Variants in ADCY2 observed in about 807,000 individuals in gnomAD.
The protein encoded by ADCY2 is adenylate cyclase type 2.
In ADCY2, 31 loss-of-function variants were observed where a neutral mutation model predicts 125.2. The observed-to-expected ratio is 0.25, with a 90% CI of 0.19 to 0.33. ADCY2 has a LOEUF of 0.33. Among genes scored for constraint, ADCY2 ranks in the 10% least tolerant of loss-of-function variants. ADCY2 has a pLI of 1.00. For missense variants in ADCY2, 904 were observed against 1,418.2 expected (o/e 0.64, Z 5.82); for synonymous variants, 512 against 548.4 (o/e 0.93, Z 0.93).
At position 7,770,512 on chromosome 5, in the gene ADCY2, T is replaced by A. The variant is rs558045913; in HGVS notation, c.2215-2420T>A. On this transcript the variant is annotated intron_variant, in intron 17 of 24. Coordinates refer to ENST00000338316, the MANE Select transcript of ADCY2 (RefSeq NM_020546.3). ...TACAAAGGACTTTAGTTTATCATAA[T>A]AATAGCAGAATTTACAAGCTTCTCA... is the stretch of plus-strand genomic sequence containing the variant. Among the ~76,000 whole-genome samples the A allele has an allele frequency of 6.6e-5, 10 of 152,372 alleles. No individual in the cohort carries two copies. In the East Asian group the frequency reaches 1.9e-3, roughly 29 times the overall value.
chr5:7,487,061 C>T (rs1263981738), intron 2 of ADCY2, among the ~76,000 whole-genome samples: 4 of 152,190 alleles, frequency 2.6e-5, no homozygotes, highest in Non-Finnish European at 5.9e-5. Context: ...CGAGTTCATG[C>T]CTGTGAATGA....
At chr5:7,662,097 C>A (rs1016497113) in intron 4 of ADCY2, among the ~76,000 whole-genome samples, 9 of 152,276 alleles carry the variant, frequency 5.9e-5, no homozygotes, top group African/African-American at 1.7e-4. Flanking sequence ...CCACGCATAG[C>A]CTCCTCACTT....
At chr5:7,510,785 T>TTTTCA (rs2126518532) in intron 2 of ADCY2, among the ~76,000 whole-genome samples, 1 of 152,356 alleles carries the variant, frequency 6.6e-6, no homozygotes, top group East Asian at 1.9e-4. Context: ...GTTGATTTAA[T>TTTTCA]TTTCATTACT....
intron 22 of ADCY2, among the ~76,000 whole-genome samples, chr5:7,812,549 AC>A (rs992562639): frequency 2.0e-5 from 3 of 152,140 alleles, no homozygotes; most frequent in African/African-American, 7.2e-5. Context: ...AAGACCCAAG[AC>A]CCAGGGATGC....
At chr5:7,456,292 A>ATTG (rs1741667031) in intron 2 of ADCY2, among the ~76,000 whole-genome samples, 1 of 152,184 alleles carries the variant, frequency 6.6e-6, no homozygotes. Context: ...ACATTGAAGA[A>ATTG]TTGTATGTCT....
chr5:7,791,021 C>T (rs953255306), intron 20 of ADCY2, among the ~76,000 whole-genome samples: 1 of 146,332 alleles, frequency 6.8e-6, no homozygotes, highest in Admixed American at 6.9e-5. Flanking sequence ...TAAGAGTCAA[C>T]AGAACTCTGT....
chr5:7,500,910 G>A (rs1281053880), intron 2 of ADCY2, among the ~76,000 whole-genome samples: 1 of 152,076 alleles, frequency 6.6e-6, no homozygotes, highest in East Asian at 1.9e-4. Context: ...TTAGGTCTGA[G>A]ATGAAAAAGC....
chr5:7,474,510 G>A (rs1222657343), intron 2 of ADCY2, among the ~76,000 whole-genome samples: 4 of 152,212 alleles, frequency 2.6e-5, no homozygotes. Flanking sequence ...CTGAAAAGAA[G>A]CAAGCCTTAA....
At chr5:7,779,220 A>G (rs902983600) in intron 18 of ADCY2, among the ~76,000 whole-genome samples, 3 of 152,206 alleles carry the variant, frequency 2.0e-5, no homozygotes, top group African/African-American at 4.8e-5. Context: ...ATAAAGAGCA[A>G]CCGTTAGTGA....
At chr5:7,814,637 C>G (rs567741044) in intron 22 of ADCY2, among the ~76,000 whole-genome samples, 1 of 152,096 alleles carries the variant, frequency 6.6e-6, no homozygotes, top group South Asian at 2.1e-4. Context: ...TTAGCTACCA[C>G]CTTAGTAGCA....
chr5:7,787,288 C>A (rs934922949), intron 19 of ADCY2, among the ~76,000 whole-genome samples: 1 of 152,206 alleles, frequency 6.6e-6, no homozygotes, highest in African/African-American at 2.4e-5. Context: ...CTGCTAGACG[C>A]CTGCGCATGG....
intron 2 of ADCY2, among the ~76,000 whole-genome samples, chr5:7,493,710 T>G (rs1003614930): frequency 4.6e-5 from 7 of 151,980 alleles, no homozygotes; most frequent in Admixed American, 3.9e-4. Flanking sequence ...ACATAGAAAG[T>G]GATGGAGGGA....
At chr5:7,823,846 A>G (rs1318237427) in intron 24 of ADCY2, among the ~76,000 whole-genome samples, 3 of 152,170 alleles carry the variant, frequency 2.0e-5, no homozygotes, top group Non-Finnish European at 2.9e-5. Context: ...GTTTGAGCTC[A>G]TATGTGTCTC....
At chr5:7,617,309 A>G (rs1208623740) in intron 3 of ADCY2, among the ~76,000 whole-genome samples, 1 of 152,156 alleles carries the variant, frequency 6.6e-6, no homozygotes, top group Non-Finnish European at 1.5e-5. Flanking sequence ...GGTCTACTGC[A>G]GCATAAAATA....
At chr5:7,776,412 T>C (rs1743728221) in intron 18 of ADCY2, among the ~76,000 whole-genome samples, 1 of 152,086 alleles carries the variant, frequency 6.6e-6, no homozygotes, top group Admixed American at 6.6e-5. Flanking sequence ...CTTGCCTCAT[T>C]CTTACTCCTT....
At chr5:7,593,465 C>T (rs1736910200) in intron 3 of ADCY2, among the ~76,000 whole-genome samples, 1 of 152,022 alleles carries the variant, frequency 6.6e-6, no homozygotes, top group Admixed American at 6.6e-5. Context: ...CTGCCAACCC[C>T]ATGAGCGTAT....
chr5:7,674,231 C>T (rs561960924), intron 4 of ADCY2, among the ~76,000 whole-genome samples: 115 of 152,306 alleles, frequency 7.6e-4, no homozygotes, highest in Admixed American at 3.8e-3. Context: ...ATCGTATTTC[C>T]AGGCTCCTGG....
chr5:7,671,050 TTA>T (rs1739915370), intron 4 of ADCY2, among the ~76,000 whole-genome samples: 1 of 152,222 alleles, frequency 6.6e-6, no homozygotes, highest in Non-Finnish European at 1.5e-5. Context: ...TTTAATTATT[TTA>T]GAGACAGATG....
At chr5:7,720,988 G>A (rs1390052801) in intron 12 of ADCY2, among the ~76,000 whole-genome samples, 1 of 152,180 alleles carries the variant, frequency 6.6e-6, no homozygotes, top group Non-Finnish European at 1.5e-5. Flanking sequence ...TTCCACAATG[G>A]TTGAACTAGT....
Sources: allele counts gnomAD v4.1 joint callset (sites outside exome capture counted in the v4.1 genomes callset), GRCh38; gene constraint gnomAD v4.1.1; transcripts MANE v1.5; gene names NCBI Gene and HGNC (gene_info 2026-07-23, HGNC 2026-07-21).